GALNT13: variants seen among roughly 807,000 people sequenced by gnomAD.
GALNT13 encodes polypeptide N-acetylgalactosaminyltransferase 13, also known as UDP-GalNAc:polypeptide N-acetylgalactosaminyltransferase 13.
Under a neutral mutation model 64.2 loss-of-function variants are expected in GALNT13, and 28 were observed. That is an observed-to-expected ratio of 0.44 (90% CI 0.32 to 0.60). GALNT13 has a LOEUF of 0.60. Among genes scored for constraint, GALNT13 ranks in the 20% least tolerant of loss-of-function variants. The probability of loss-of-function intolerance (pLI) is 0.05; values close to 1 mark genes in which losing one functional copy is unlikely to be tolerated. For missense variants in GALNT13, 577 were observed against 669.8 expected (o/e 0.86, Z 1.53); for synonymous variants, 214 against 224.6 (o/e 0.95, Z 0.42).
Position 154,270,487 on chromosome 2 carries a change from A to G in GALNT13, c.975+11349A>G, listed in dbSNP as rs990003525. On this transcript the variant is annotated intron_variant, in intron 8 of 12. Coordinates refer to ENST00000392825, the MANE Select transcript of GALNT13 (RefSeq NM_052917.4). The stretch of plus-strand genomic sequence containing the variant: ...ATAACCACTTATTTATACCTTTTCT[A>G]TTATTTCTAAAATCATCCTAAGAGA... Among the ~76,000 whole-genome samples the G allele has an allele frequency of 5.9e-5, 9 of 152,026 alleles. No individual in the cohort carries two copies. The East Asian group carries it at 7.7e-4, about 13-fold the overall frequency.
chr2:153,180,699 C>CTTTTTTTTTTTTTTTTTTTTTTTTTTTTT, the GALNT13 span, among the ~76,000 whole-genome samples: 1 of 152,058 alleles, frequency 6.6e-6, no homozygotes, highest in African/African-American at 2.4e-5. Context: ...TCTCCTTACT[C>CTTTTTTTTTTTTTTTTTTTTTTTTTTTTT]TTAATTGGTT....
chr2:153,288,618 G>A, the GALNT13 span, among the ~76,000 whole-genome samples: 31 of 152,184 alleles, frequency 2.0e-4, no homozygotes, highest in Admixed American at 2.0e-3. Flanking sequence ...CAGTGCTTGT[G>A]TGTAAGTCAC....
At chr2:153,069,453 A>T in the GALNT13 span, among the ~76,000 whole-genome samples, 1 of 152,068 alleles carries the variant, frequency 6.6e-6, no homozygotes, top group East Asian at 1.9e-4. Flanking sequence ...ACAAGAGCAA[A>T]CCTTTTAATA....
chr2:153,456,366 G>A, the GALNT13 span, among the ~76,000 whole-genome samples: 1 of 152,098 alleles, frequency 6.6e-6, no homozygotes, highest in African/African-American at 2.4e-5. Flanking sequence ...CCCTTTCTAG[G>A]CTTTTATGGA....
chr2:153,997,133 A>T (rs1695575228), intron 3 of GALNT13, among the ~76,000 whole-genome samples: 2 of 152,032 alleles, frequency 1.3e-5, no homozygotes, highest in Admixed American at 1.3e-4. Context: ...TTTTTTGCTC[A>T]AGATTCCTTT....
intron 9 of GALNT13, among the ~76,000 whole-genome samples, chr2:154,340,028 C>A (rs1695672554): frequency 6.6e-6 from 1 of 152,060 alleles, no homozygotes. Flanking sequence ...AATGTCTATT[C>A]TAATTCTGTC....
chr2:154,290,541 G>T (rs760242243), intron 8 of GALNT13, among the ~76,000 whole-genome samples: 1 of 152,164 alleles, frequency 6.6e-6, no homozygotes, highest in Non-Finnish European at 1.5e-5. Flanking sequence ...GGCTATGTAG[G>T]TTCCCAGATA....
At chr2:154,390,367 T>A (rs1319389292) in intron 9 of GALNT13, among the ~76,000 whole-genome samples, 1 of 152,172 alleles carries the variant, frequency 6.6e-6, no homozygotes. Context: ...TTCCTGATAC[T>A]CTTTCTCCTC....
chr2:153,585,052 C>G, the GALNT13 span, among the ~76,000 whole-genome samples: 3 of 152,144 alleles, frequency 2.0e-5, no homozygotes, highest in African/African-American at 7.2e-5. Context: ...CACAATAATT[C>G]TCAAGCAATA....
At chr2:153,616,472 T>A in the GALNT13 span, among the ~76,000 whole-genome samples, 1 of 152,056 alleles carries the variant, frequency 6.6e-6, no homozygotes, top group African/African-American at 2.4e-5. Flanking sequence ...AGAATGTCAT[T>A]GGTATTTTGA....
chr2:153,877,302 T>C (rs997718285), intron 1 of GALNT13, among the ~76,000 whole-genome samples: 1 of 152,152 alleles, frequency 6.6e-6, no homozygotes, highest in Non-Finnish European at 1.5e-5. Context: ...TTTCATATAT[T>C]CCACTACATT....
chr2:154,091,205 A>G (rs1258813183), intron 3 of GALNT13, among the ~76,000 whole-genome samples: 1 of 152,034 alleles, frequency 6.6e-6, no homozygotes, highest in Admixed American at 6.6e-5. Flanking sequence ...GAGTGCAGAC[A>G]ATGCAGTATA....
At chr2:153,637,252 C>T in the GALNT13 span, among the ~76,000 whole-genome samples, 4 of 152,006 alleles carry the variant, frequency 2.6e-5, no homozygotes, top group South Asian at 2.1e-4. Context: ...CTTTGAAGTC[C>T]ACATTGCCTC....
chr2:153,854,138 A>G, the GALNT13 span, among the ~76,000 whole-genome samples: 1 of 152,056 alleles, frequency 6.6e-6, no homozygotes, highest in South Asian at 2.1e-4. Context: ...TTAAGAACCT[A>G]AAAAACCCAA....
the GALNT13 span, among the ~76,000 whole-genome samples, chr2:153,675,383 A>G: frequency 1.3e-5 from 2 of 152,172 alleles, no homozygotes; most frequent in African/African-American, 4.8e-5. Context: ...AGATGAGTTT[A>G]TGTCTTTGCA....
chr2:153,586,356 T>C, the GALNT13 span, among the ~76,000 whole-genome samples: 9 of 152,258 alleles, frequency 5.9e-5, no homozygotes, highest in East Asian at 1.4e-3. Context: ...GGTGGAGATA[T>C]TCCACACAAA....
At chr2:153,500,386 G>A in the GALNT13 span, among the ~76,000 whole-genome samples, 1 of 152,190 alleles carries the variant, frequency 6.6e-6, no homozygotes, top group African/African-American at 2.4e-5. Context: ...ATAACTGGTA[G>A]CTACAGTTGT....
At chr2:154,127,712 G>T (rs546743712) in intron 3 of GALNT13, among the ~76,000 whole-genome samples, 1 of 127,380 alleles carries the variant, frequency 7.9e-6, no homozygotes, top group Non-Finnish European at 1.7e-5. Flanking sequence ...ACACACACGT[G>T]TGTGTGTGTG....
the GALNT13 span, among the ~76,000 whole-genome samples, chr2:153,858,615 TTTAA>T: frequency 1.3e-5 from 2 of 152,194 alleles, no homozygotes; most frequent in Non-Finnish European, 2.9e-5. Context: ...AATTGCTCTA[TTTAA>T]TTATCAGTTT....
Sources: gnomAD v4.1 joint callset for allele counts (sites outside exome capture counted in the v4.1 genomes callset) on GRCh38, gnomAD v4.1.1 for gene constraint, MANE v1.5 for transcripts, NCBI Gene and HGNC (gene_info 2026-07-23, HGNC 2026-07-21) for gene names.